Variants in TMEM108 observed in about 807,000 individuals in gnomAD.
The protein encoded by TMEM108 is transmembrane protein 108, also known as cancer/testis antigen 124.
A neutral mutation model predicts 35.1 loss-of-function variants in TMEM108; 12 were observed. The observed-to-expected ratio is 0.34, with a 90% CI of 0.22 to 0.55. TMEM108 has a LOEUF of 0.55. Among genes scored for constraint, TMEM108 ranks in the 20% least tolerant of loss-of-function variants. TMEM108 has a pLI of 0.89. For synonymous variants in TMEM108, 287 were observed against 308.6 expected (o/e 0.93, Z 0.73); for missense variants, 680 against 753.3 (o/e 0.90, Z 1.14).
intron 2 of TMEM108, among the ~76,000 whole-genome samples, chr3:133,135,872 G>A (rs1944558010): frequency 1.3e-5 from 2 of 152,114 alleles, no homozygotes; most frequent in Admixed American, 1.3e-4. Context: ...AGGGAGGGTG[G>A]CATTAGAGAT....
At chr3:133,293,566 C>A (rs1447030759) in intron 3 of TMEM108, among the ~76,000 whole-genome samples, 1 of 151,806 alleles carries the variant, frequency 6.6e-6, no homozygotes, top group Non-Finnish European at 1.5e-5. Context: ...TTCATCTCAC[C>A]AACTTCCTGC....
intron 3 of TMEM108, among the ~76,000 whole-genome samples, chr3:133,329,358 A>G (rs2071366702): frequency 6.6e-6 from 1 of 152,102 alleles, no homozygotes; most frequent in African/African-American, 2.4e-5. Context: ...AGAAAGGTAA[A>G]TATTTTTCCC....
intron 3 of TMEM108, among the ~76,000 whole-genome samples, chr3:133,373,999 T>G (rs1215173503): frequency 2.0e-5 from 3 of 152,206 alleles, no homozygotes; most frequent in Non-Finnish European, 4.4e-5. Context: ...CAGCTGGGTC[T>G]CCTCAGGCGT....
At position 133,310,273 on chromosome 3, in the gene TMEM108, C is replaced by T. The variant is rs1428621814; in HGVS notation, c.41-69479C>T. 3.9e-5 allele frequency among the ~76,000 whole-genome samples: 6 copies of T among 152,172 alleles called. 1 individual carries two copies. In the Middle Eastern group the frequency reaches 0.017, roughly 431 times the overall value. ...GGATATCCTTGTTAACCTTCTGTCT[C>T]GTTGATCTGTCTAATATTGACAGTG... On this transcript the variant is annotated intron_variant, in intron 3 of 5. Transcript: ENST00000321871.
At chr3:133,327,485 G>A (rs761911238) in intron 3 of TMEM108, among the ~76,000 whole-genome samples, 7 of 152,160 alleles carry the variant, frequency 4.6e-5, no homozygotes, top group South Asian at 2.1e-4. Context: ...GCATCAGGTC[G>A]TACTAATGCC....
chr3:133,177,172 A>C (rs201761895), intron 2 of TMEM108, among the ~76,000 whole-genome samples: 6 of 151,960 alleles, frequency 3.9e-5, no homozygotes, highest in African/African-American at 7.3e-5. Flanking sequence ...AGGCAATAAT[A>C]AATAGCTTAC....
chr3:133,062,803 G>C (rs1943550962), intron 2 of TMEM108, among the ~76,000 whole-genome samples: 1 of 152,186 alleles, frequency 6.6e-6, no homozygotes, highest in Non-Finnish European at 1.5e-5. Context: ...TTTCGAGTGA[G>C]ATCATTCAAA....
chr3:133,271,788 A>G (rs543567231), intron 3 of TMEM108, among the ~76,000 whole-genome samples: 3 of 152,050 alleles, frequency 2.0e-5, no homozygotes, highest in Admixed American at 1.3e-4. Flanking sequence ...TAGTCATCTC[A>G]TTTCTCTCTA....
At chr3:133,282,089 G>A (rs866179248) in intron 3 of TMEM108, among the ~76,000 whole-genome samples, 15 of 151,586 alleles carry the variant, frequency 9.9e-5, no homozygotes, top group South Asian at 2.1e-4. Flanking sequence ...CCTGGGAGGC[G>A]GAGCTTGCAG....
intron 2 of TMEM108, among the ~76,000 whole-genome samples, chr3:133,073,510 C>CTCTCTCTCTCTATATATATATATA: frequency 3.2e-4 from 14 of 43,900 alleles, no homozygotes; most frequent in South Asian, 8.3e-4. Context: ...CTCTCTCTCT[C>CTCTCTCTCTCTATATATATATATA]TATATATATA....
At chr3:133,243,753 G>A (rs1946345849) in intron 3 of TMEM108, among the ~76,000 whole-genome samples, 1 of 117,072 alleles carries the variant, frequency 8.5e-6, no homozygotes, top group African/African-American at 3.2e-5. Context: ...TCGATCTCCT[G>A]ACCTCGTGAT....
chr3:133,252,814 A>G (rs2060639), intron 3 of TMEM108, among the ~76,000 whole-genome samples: 17,946 of 152,180 alleles, frequency 0.12, 1,475 homozygotes, highest in East Asian at 0.38. Flanking sequence ...ACAGTGTTCA[A>G]AGAAACATAA....
chr3:133,357,780 A>AG (rs945872825), intron 3 of TMEM108, among the ~76,000 whole-genome samples: 16 of 152,192 alleles, frequency 1.1e-4, no homozygotes, highest in Middle Eastern at 3.4e-3. Context: ...CTCAGAGTGT[A>AG]GGGGGACGTT....
chr3:133,044,327 G>A (rs1364934485), intron 1 of TMEM108, among the ~76,000 whole-genome samples: 2 of 152,130 alleles, frequency 1.3e-5, no homozygotes, highest in South Asian at 2.1e-4. Context: ...TAGGAGAGTC[G>A]TGACTACTTT....
At chr3:133,101,450 C>T (rs975755992) in intron 2 of TMEM108, among the ~76,000 whole-genome samples, 3 of 152,170 alleles carry the variant, frequency 2.0e-5, no homozygotes, top group African/African-American at 7.2e-5. Context: ...TCAGTGGCTC[C>T]TCTGTAGCCT....
chr3:133,061,366 A>G (rs1405332331), intron 2 of TMEM108, among the ~76,000 whole-genome samples: 1 of 151,780 alleles, frequency 6.6e-6, no homozygotes, highest in Non-Finnish European at 1.5e-5. Flanking sequence ...GCCCGCCACC[A>G]CACCCAGCTA....
At chr3:133,064,679 G>A (rs1034716338) in intron 2 of TMEM108, among the ~76,000 whole-genome samples, 3 of 151,890 alleles carry the variant, frequency 2.0e-5, no homozygotes, top group Middle Eastern at 3.4e-3. Context: ...GGACCAAATG[G>A]GAATATAAAG....
Position 133,175,277 on chromosome 3 carries a change from C to T in TMEM108, c.-46-53989C>T, listed in dbSNP as rs549864176. ...GCAGGATATTATCCAGGAGAACTTC[C>T]CCAACCTAGCAAGGCAGGCCAACAT... On this transcript the variant is annotated intron_variant, in intron 2 of 5. Coordinates refer to ENST00000321871, the MANE Select transcript of TMEM108 (RefSeq NM_023943.4). Among the ~76,000 whole-genome samples, 5 of 152,264 alleles carry T rather than the reference C, an allele frequency of 3.3e-5. No individual in the cohort carries two copies. The South Asian group carries it at 1.0e-3, about 32-fold the overall frequency.
intron 3 of TMEM108, among the ~76,000 whole-genome samples, chr3:133,355,556 A>G (rs749204609): frequency 2.0e-4 from 31 of 152,230 alleles, no homozygotes; most frequent in Non-Finnish European, 3.8e-4. Context: ...CAGAAGGGCA[A>G]GCAGACCAGC....
Sources: gnomAD v4.1 joint callset for allele counts (sites outside exome capture counted in the v4.1 genomes callset) on GRCh38, gnomAD v4.1.1 for gene constraint, MANE v1.5 for transcripts, NCBI Gene and HGNC (gene_info 2026-07-23, HGNC 2026-07-21) for gene names.